MAP1S: variants seen among roughly 807,000 people sequenced by gnomAD.
MAP1S encodes microtubule associated protein 1S.
MAP1S carries 27 observed loss-of-function variants against 60.9 expected under a neutral mutation model. That is an observed-to-expected ratio of 0.44 (90% CI 0.33 to 0.61). The LOEUF is 0.61. MAP1S is among the 20% of genes least tolerant of loss of function. The pLI is 0.03. For synonymous variants in MAP1S, 826 were observed against 694.2 expected (o/e 1.19, Z -2.98); for missense variants, 1,608 against 1,486.6 (o/e 1.08, Z -1.34).
At chr19:17,723,299 C>A (rs1321679470) in intron 2 of MAP1S, among the ~76,000 whole-genome samples, 1 of 152,212 alleles carries the variant, frequency 6.6e-6, no homozygotes, top group Non-Finnish European at 1.5e-5. Context: ...GTAATCCCAG[C>A]ACTTTGGGAG....
rs917008075 is a variant in MAP1S at position 17,725,431 on chromosome 19, GCCA to G, written c.444+243_444+245del. On this transcript the variant is annotated intron_variant, in intron 4 of 6. Transcript: ENST00000324096. The surrounding 1 kb of genome is among the most constrained non-coding windows in gnomAD (Gnocchi z 4.2). ...TCCCAAAGTCCTGATGAGGGATGGA[GCCA>G]AATGGGTCCTTCCTGGTGCCCGCAG... is the stretch of plus-strand genomic sequence containing the variant. 5.3e-5 allele frequency among the ~76,000 whole-genome samples: 8 copies of G among 152,226 alleles called. No homozygotes were observed. The highest frequency in any genetic ancestry group is 1.5e-5 in the Non-Finnish European group (1 of 68,046).
At position 17,726,487 on chromosome 19, in the gene MAP1S, C is replaced by T. The variant is rs2080424104; in HGVS notation, c.1103C>T (p.Thr368Met). Residue 368 changes from threonine to methionine, a missense_variant, in exon 5 of 7, where the codon ACG becomes ATG. Transcript: ENST00000324096. Reference protein sequence around the residue: ...ALSLLAQLGITPLPLSRGPVP... With the variant: ...ALSLLAQLGIMPLPLSRGPVP... ...AGCCTCCTGGCGCAGCTGGGCATCA[C>T]GCCTCTGCCACTCAGCCGCGGCCCC... 5 of 1,549,774 alleles carry T rather than the reference C, an allele frequency of 3.2e-6. No homozygotes were observed. The highest frequency in any genetic ancestry group is 2.4e-5 in the South Asian group (2 of 85,016).
At position 17,733,362 on chromosome 19, in the gene MAP1S, G is replaced by A; in HGVS notation, c.2958G>A (p.Glu986=). 6.2e-7 allele frequency: 1 copy of A among 1,611,612 alleles called. No homozygotes were observed. The highest frequency in any genetic ancestry group is 8.5e-7 in the Non-Finnish European group (1 of 1,179,436). ...TCAGTGGCCAGGACCAGCGCAAGGA[G>A]GAAGGCATGCGGGCCGTCCTGGACG... The part of the protein sequence containing the change: ...YVISGQDQRK[E]EGMRAVLDAL... Residue 986 remains glutamate, a synonymous_variant, in exon 6 of 7, where the codon GAG becomes GAA. Transcript: ENST00000324096.
At chr19:17,724,798 G>C (rs911839463) in intron 3 of MAP1S, among the ~76,000 whole-genome samples, 1 of 152,124 alleles carries the variant, frequency 6.6e-6, no homozygotes, top group African/African-American at 2.4e-5. Flanking sequence ...GCCCAGAAAG[G>C]GCAAGTAGTG....
chr19:17,734,245 TCCC>T, intron 6 of MAP1S, 25 bp from the exon 7 acceptor site: 1 of 1,596,104 alleles, frequency 6.3e-7, no homozygotes, highest in Non-Finnish European at 8.6e-7. Context: ...TGGTCCACTC[TCCC>T]CACACACCCC....
Position 17,727,995 on chromosome 19 carries a change from TCA to T in MAP1S, c.2613_2614del (p.Ala873CysfsTer31). ...CCGGAAGCCCCTGGCCCGCCCCAAC[TCA>T]CGCGCTGCCGCCCCCAAAGCCACTC... ...RTRKPLARPN[S>X]RAAAPKATPV... On this transcript the variant is annotated frameshift_variant, in exon 5 of 7. Coordinates refer to ENST00000324096, the MANE Select transcript of MAP1S (RefSeq NM_018174.6). LOFTEE classifies it high-confidence loss of function. The surrounding 1 kb of genome is among the most constrained non-coding windows in gnomAD (Gnocchi z 4.1). 1.9e-6 allele frequency: 3 copies of T among 1,610,504 alleles called. No individual in the cohort carries two copies. The highest frequency in any genetic ancestry group is 2.2e-5 in the East Asian group (1 of 44,732).
At position 17,727,299 on chromosome 19, in the gene MAP1S, C is replaced by T. The variant is rs1162942014; in HGVS notation, c.1915C>T (p.Pro639Ser). The change falls in exon 5 of 7, where the codon CCC becomes TCC. Residue 639 changes from proline (P) to serine (S), a missense_variant. Pro to Ser is a moderately conservative substitution (Grantham distance 74). Transcript: ENST00000324096. The surrounding 1 kb of genome is among the most constrained non-coding windows in gnomAD (Gnocchi z 4.1). ...CAGCTCAATCCCAAGGCCACGCACA[C>T]CCTCCCCTGAGTCCCACCGGAGCCC... ...AASSIPRPRT[P>S]SPESHRSPAE... 3 of 1,591,208 alleles carry T rather than the reference C, an allele frequency of 1.9e-6. No homozygotes were observed. Among genetic ancestry groups the T allele is most frequent in the Non-Finnish European group, 2.6e-6 (3 of 1,173,890 alleles).
rs1168263650 is a variant in MAP1S at position 17,727,256 on chromosome 19, G to A, written c.1872G>A (p.Leu624=). 6.4e-7 allele frequency: 1 copy of A among 1,573,642 alleles called. No homozygotes were observed. The highest frequency in any genetic ancestry group is 8.6e-7 in the Non-Finnish European group (1 of 1,165,132). Residue 624 remains leucine (L), a synonymous_variant, in exon 5 of 7, where the codon CTG becomes CTA. Transcript: ENST00000324096. The surrounding 1 kb of genome is among the most constrained non-coding windows in gnomAD (Gnocchi z 4.1). ...TCCCAGCCGGGGAGGAGAAGGCACT[G>A]GAGCTGCCTTTGGCCGCCAGCTCAA... is the stretch of plus-strand genomic sequence containing the variant. The part of the protein sequence containing the change: ...GPIPAGEEKA[L]ELPLAASSIP...
At chr19:17,732,911 G>A (rs114097678) in intron 5 of MAP1S, 4 of 441,634 alleles carry the variant, frequency 9.1e-6, no homozygotes, top group African/African-American at 8.1e-5. Flanking sequence ...TGGAGTCAAG[G>A]CGTGGTGACA....
At chr19:17,734,127 A>G in intron 6 of MAP1S, 146 bp from the exon 7 acceptor site, 1 of 667,186 alleles carries the variant, frequency 1.5e-6, no homozygotes, top group South Asian at 1.9e-5. Flanking sequence ...TGCAGACCTC[A>G]AGGTGGAGCA....
rs1170119516 is a variant in MAP1S, at chr19:17,733,442, C to T, written c.3024+14C>T. ...CGTGACCTGCAGGTGCGTGTCACCC[C>T]AGGGCCTCTGGTGGTAAGTGTAGTT... On this transcript the variant is annotated intron_variant, in intron 6 of 6. Coordinates refer to ENST00000324096, the MANE Select transcript of MAP1S (RefSeq NM_018174.6). The T allele has an allele frequency of 2.5e-6, 4 of 1,569,950 alleles. No homozygotes were observed. The highest frequency in any genetic ancestry group is 3.5e-6 in the Non-Finnish European group (4 of 1,156,174).
rs747758560 is a variant in MAP1S, at chr19:17,724,122, A to G, written c.221-4A>G. 3.7e-6 allele frequency: 6 copies of G among 1,612,848 alleles called. No homozygotes were observed. Among genetic ancestry groups the G allele is most frequent in the Non-Finnish European group, 5.1e-6 (6 of 1,179,148 alleles). On this transcript the variant is annotated splice_region_variant and splice_polypyrimidine_tract_variant and intron_variant, in intron 2 of 6. Transcript: ENST00000324096. ...GACTCCGGGACGGCCTGATTCCCCC[A>G]CAGGCCAGCGGAGCCTGCACCACCG... is the stretch of plus-strand genomic sequence containing the variant.
rs755943287 is a variant in MAP1S, at chr19:17,724,111, C to T, written c.221-15C>T. 9 of 1,611,476 alleles carry T rather than the reference C, an allele frequency of 5.6e-6. No individual in the cohort carries two copies. Among genetic ancestry groups the T allele is most frequent in the Non-Finnish European group, 7.6e-6 (9 of 1,178,274 alleles). ...AGGCAGGATTTGACTCCGGGACGGC[C>T]TGATTCCCCCACAGGCCAGCGGAGC... On this transcript the variant is annotated splice_polypyrimidine_tract_variant and intron_variant, in intron 2 of 6. Coordinates refer to ENST00000324096, the MANE Select transcript of MAP1S (RefSeq NM_018174.6).
At chr19:17,729,069 CTGAT>C (rs1355995540) in intron 5 of MAP1S, 3 of 152,144 alleles carry the variant, frequency 2.0e-5, no homozygotes, top group South Asian at 2.1e-4. Flanking sequence ...TTTTATGTAA[CTGAT>C]TGGTTAGGAG....
In MAP1S at chr19:17,726,716, C is replaced by T; in HGVS notation, c.1332C>T (p.Gly444=). The change falls in exon 5 of 7, where the codon GGC becomes GGT. Residue 444 remains glycine, a synonymous_variant. Coordinates refer to ENST00000324096, the MANE Select transcript of MAP1S (RefSeq NM_018174.6). The part of the protein sequence containing the change: ...GCTPPACLLD[G]LVRLQHLRFL... ...CCCCGCCCGCCTGCCTCCTGGACGG[C>T]CTGGTCCGCCTGCAGCACTTGAGGT... 1 of 1,590,812 alleles carries T rather than the reference C, an allele frequency of 6.3e-7. No homozygotes were observed. Among genetic ancestry groups the T allele is most frequent in the Non-Finnish European group, 8.5e-7 (1 of 1,172,270 alleles).
intron 5 of MAP1S, 130 bp downstream of exon 5, chr19:17,728,302 T>TG: frequency 9.6e-7 from 1 of 1,045,744 alleles, no homozygotes; most frequent in Non-Finnish European, 1.3e-6. Context: ...TGAGCTGGAG[T>TG]GCAGTGGTGT....
rs1431119894 is a variant in MAP1S at position 17,726,477 on chromosome 19, C to T, written c.1093C>T (p.Leu365=). 3.2e-6 allele frequency: 5 copies of T among 1,549,310 alleles called. No homozygotes were observed. Among genetic ancestry groups the T allele is most frequent in the Non-Finnish European group, 4.3e-6 (5 of 1,152,424 alleles). Residue 365 remains leucine, a synonymous_variant, in exon 5 of 7, where the codon CTG becomes TTG. Transcript: ENST00000324096. ...AELALSLLAQ[L]GITPLPLSRG... ...GCTGGCGCTGAGCCTCCTGGCGCAG[C>T]TGGGCATCACGCCTCTGCCACTCAG... is the stretch of plus-strand genomic sequence containing the variant.
chr19:17,733,135 C>T, intron 5 of MAP1S, 58 bp from the exon 6 acceptor site: 1 of 1,237,756 alleles, frequency 8.1e-7, no homozygotes, highest in Non-Finnish European at 1.1e-6. Flanking sequence ...AACTTGGAGC[C>T]TCGGCCCCTC....
In MAP1S at chr19:17,725,702, GT is replaced by G. The variant is rs2080410712; in HGVS notation, c.445-123del. The G allele has an allele frequency of 5.4e-6, 5 of 923,448 alleles. No homozygotes were observed. Among genetic ancestry groups the G allele is most frequent in the Non-Finnish European group, 8.0e-6 (5 of 623,366 alleles). The allele number at this position is 923,448 out of a possible 1,614,324, so 57.2% of individuals were successfully genotyped here. A position where few individuals can be genotyped will look rare whatever the true frequency, so the allele number is the denominator to read the frequency against. On this transcript the variant is annotated intron_variant, in intron 4 of 6. Coordinates refer to ENST00000324096, the MANE Select transcript of MAP1S (RefSeq NM_018174.6). This position sits in a 1 kb window ranked among gnomAD's most constrained non-coding sequence, Gnocchi z 4.2. ...GCCTTGTGGCGCTGGAGAGGGTTGGGTTTTGGCGGGAGGGCCCTGAGGAGCA... is the reference window on the plus strand; with the variant it reads ...GCCTTGTGGCGCTGGAGAGGGTTGGGTTTGGCGGGAGGGCCCTGAGGAGCA...
Sources: gnomAD v4.1 joint callset for allele counts (sites outside exome capture counted in the v4.1 genomes callset) on GRCh38, gnomAD v4.1.1 for gene constraint, Gnocchi (gnomAD v3.1) non-coding constraint, MANE v1.5 for transcripts, NCBI Gene and HGNC (gene_info 2026-07-23, HGNC 2026-07-21) for gene names.